Variants in CCSER1 observed in about 807,000 individuals in gnomAD.
The protein encoded by CCSER1 is coiled-coil serine rich protein 1.
In CCSER1, 41 loss-of-function variants were observed where a neutral mutation model predicts 82.0. That is an observed-to-expected ratio of 0.50 (90% CI 0.39 to 0.65). The LOEUF (loss-of-function observed/expected upper bound fraction) is 0.65, where lower values mean the gene tolerates loss of function less well. CCSER1 is among the 30% of genes least tolerant of loss of function. The probability of loss-of-function intolerance (pLI) is 0.00; values close to 1 mark genes in which losing one functional copy is unlikely to be tolerated. For synonymous variants in CCSER1, 414 were observed against 383.9 expected, an observed-to-expected ratio of 1.08 and a Z score of -0.92; for missense variants, 1,119 against 1,064.2, an observed-to-expected ratio of 1.05 and a Z score of -0.72.
rs556392371 is a variant in CCSER1 at position 91,515,025 on chromosome 4, G to A, written c.2218-83547G>A. The stretch of plus-strand genomic sequence containing the variant: ...AAAAAACACCCTCACAAAAACACCC[G>A]GAATGATGTTTTACCACATATTGAG... On this transcript the variant is annotated intron_variant, in intron 10 of 10. Transcript: ENST00000509176. Among the ~76,000 whole-genome samples the A allele has an allele frequency of 1.4e-4, 21 of 151,964 alleles. No homozygotes were observed. In the Middle Eastern group the frequency reaches 0.01, roughly 74 times the overall value.
At chr4:91,191,951 T>C (rs1045482090) in intron 10 of CCSER1, among the ~76,000 whole-genome samples, 1 of 152,186 alleles carries the variant, frequency 6.6e-6, no homozygotes, top group African/African-American at 2.4e-5. Context: ...GTAGCCTATT[T>C]TCACTGCTTC....
intron 9 of CCSER1, among the ~76,000 whole-genome samples, chr4:90,954,621 A>G (rs1433464296): frequency 2.0e-5 from 3 of 152,098 alleles, no homozygotes; most frequent in African/African-American, 7.2e-5. Context: ...GCTTCCACTT[A>G]GTGTAGGATT....
At chr4:90,491,101 T>C (rs1300226975) in intron 5 of CCSER1, among the ~76,000 whole-genome samples, 2 of 152,160 alleles carry the variant, frequency 1.3e-5, no homozygotes, top group Non-Finnish European at 2.9e-5. Context: ...AAACTATAAA[T>C]TACCTTGGGC....
intron 9 of CCSER1, among the ~76,000 whole-genome samples, chr4:91,000,719 C>T (rs1330076560): frequency 2.0e-5 from 3 of 151,706 alleles, no homozygotes; most frequent in African/African-American, 7.3e-5. Flanking sequence ...TTGATTTGGC[C>T]CTCAGCTAGA....
chr4:90,748,068 G>T (rs931697651), intron 7 of CCSER1, among the ~76,000 whole-genome samples: 3 of 141,056 alleles, frequency 2.1e-5, no homozygotes, highest in African/African-American at 8.2e-5. Flanking sequence ...TAAGTTTTAG[G>T]GTACATGTGC....
intron 9 of CCSER1, among the ~76,000 whole-genome samples, chr4:91,044,282 G>A (rs920232923): frequency 1.3e-5 from 2 of 152,144 alleles, no homozygotes. Context: ...GATATACAGA[G>A]AAAATAGGTG....
intron 1 of CCSER1, among the ~76,000 whole-genome samples, chr4:90,292,948 A>G (rs1008049158): frequency 2.0e-5 from 3 of 151,962 alleles, no homozygotes; most frequent in Non-Finnish European, 4.4e-5. Flanking sequence ...TTAGTACTTT[A>G]AAATTCTTTT....
intron 3 of CCSER1, among the ~76,000 whole-genome samples, chr4:90,380,948 A>G (rs6847035): frequency 0.68 from 103,350 of 152,194 alleles, 37,110 homozygotes; most frequent in African/African-American, 0.92. Flanking sequence ...TAAGTGAGAA[A>G]TAAGCAGGAA....
chr4:91,160,510 C>T (rs1317255093), intron 10 of CCSER1, among the ~76,000 whole-genome samples: 2 of 152,160 alleles, frequency 1.3e-5, no homozygotes, highest in South Asian at 2.1e-4. Context: ...ACAGTCCCAC[C>T]AACAGTGCAA....
chr4:90,501,411 A>G lies in CCSER1; in HGVS notation c.1724+33057A>G, dbSNP rs563754288. 4.6e-5 allele frequency among the ~76,000 whole-genome samples: 7 copies of G among 152,192 alleles called. No individual in the cohort carries two copies. In the South Asian group the frequency reaches 1.5e-3, roughly 32 times the overall value. On this transcript the variant is annotated intron_variant, in intron 5 of 10. Transcript: ENST00000509176. ...GGGTGATAAACACTGCCATTTTTGG[A>G]GGATTATGTTTTAGCAAGTAAATTG...
intron 10 of CCSER1, among the ~76,000 whole-genome samples, chr4:91,189,910 T>C (rs1362109056): frequency 6.6e-6 from 1 of 152,126 alleles, no homozygotes; most frequent in Non-Finnish European, 1.5e-5. Flanking sequence ...AAACAGTGAG[T>C]ATTTCTTATA....
chr4:90,743,677 C>G (rs901740073), intron 7 of CCSER1, among the ~76,000 whole-genome samples: 2 of 152,144 alleles, frequency 1.3e-5, no homozygotes, highest in African/African-American at 4.8e-5. Context: ...AAATGCTGAG[C>G]AAAATTGTCA....
intron 9 of CCSER1, among the ~76,000 whole-genome samples, chr4:91,061,515 G>A (rs1479697744): frequency 6.6e-6 from 1 of 151,998 alleles, no homozygotes; most frequent in Non-Finnish European, 1.5e-5. Context: ...CCAGCTAGGA[G>A]AAAGGTGTTG....
intron 7 of CCSER1, among the ~76,000 whole-genome samples, chr4:90,726,623 C>T (rs1205306809): frequency 6.6e-6 from 1 of 151,996 alleles, no homozygotes; most frequent in Non-Finnish European, 1.5e-5. Flanking sequence ...AAACGATCTG[C>T]CCTGAAAGAT....
At chr4:91,226,207 T>G (rs1004801923) in intron 10 of CCSER1, among the ~76,000 whole-genome samples, 2 of 151,808 alleles carry the variant, frequency 1.3e-5, no homozygotes, top group Non-Finnish European at 2.9e-5. Flanking sequence ...AAAGATATAT[T>G]AAAGAAGTGG....
intron 9 of CCSER1, among the ~76,000 whole-genome samples, chr4:90,941,659 T>C (rs1731596083): frequency 6.6e-6 from 1 of 152,208 alleles, no homozygotes; most frequent in East Asian, 1.9e-4. Flanking sequence ...CTATTTTCAA[T>C]TTTTAATATA....
At chr4:91,523,271 T>G (rs1168785814) in intron 10 of CCSER1, among the ~76,000 whole-genome samples, 1 of 152,208 alleles carries the variant, frequency 6.6e-6, no homozygotes, top group Non-Finnish European at 1.5e-5. Context: ...CTGTATTTGG[T>G]TTGCCAGTAT....
intron 1 of CCSER1, among the ~76,000 whole-genome samples, chr4:90,163,309 T>C (rs1290424089): frequency 2.0e-5 from 3 of 152,080 alleles, no homozygotes; most frequent in East Asian, 1.9e-4. Flanking sequence ...GTGGAGCAGA[T>C]AGCTTATGTA....
At chr4:91,112,625 T>C (rs1354829832) in intron 10 of CCSER1, 4 of 151,996 alleles carry the variant, frequency 2.6e-5, no homozygotes, top group Non-Finnish European at 5.9e-5. Context: ...CTCCCTGTTC[T>C]CAAGGTCATT....
Sources: gnomAD v4.1 joint callset for allele counts (sites outside exome capture counted in the v4.1 genomes callset) on GRCh38, gnomAD v4.1.1 for gene constraint, MANE v1.5 for transcripts, NCBI Gene and HGNC (gene_info 2026-07-23, HGNC 2026-07-21) for gene names.